Variants in SLC44A5 observed in about 807,000 individuals in gnomAD.
The protein encoded by SLC44A5 is solute carrier family 44 member 5.
Under a neutral mutation model 101.8 loss-of-function variants are expected in SLC44A5, and 57 were observed. The ratio of observed to expected loss-of-function variants is 0.56; its 90% confidence interval spans 0.45 to 0.70. The LOEUF (loss-of-function observed/expected upper bound fraction) is 0.70. Among genes scored for constraint, SLC44A5 ranks in the 30% least tolerant of loss-of-function variants. The pLI, the probability that SLC44A5 is intolerant of heterozygous loss-of-function variation, is 0.00. For missense variants in SLC44A5, 737 were observed against 853.1 expected (o/e 0.86, Z 1.70); for synonymous variants, 281 against 290.9 (o/e 0.97, Z 0.35).
At chr1:75,322,680 C>T (rs1656256097) in intron 4 of SLC44A5, among the ~76,000 whole-genome samples, 1 of 152,142 alleles carries the variant, frequency 6.6e-6, no homozygotes, top group African/African-American at 2.4e-5. Flanking sequence ...ATACGGATTT[C>T]CTTTCACTCT....
intron 6 of SLC44A5, among the ~76,000 whole-genome samples, chr1:75,252,929 A>G (rs879891078): frequency 2.0e-5 from 3 of 152,176 alleles, no homozygotes; most frequent in East Asian, 3.9e-4. Context: ...GGCAAACCAA[A>G]GCTGATGACT....
chr1:75,458,636 T>C (rs554394954), intron 2 of SLC44A5, among the ~76,000 whole-genome samples: 95 of 152,224 alleles, frequency 6.2e-4, no homozygotes, highest in Middle Eastern at 6.8e-3. Context: ...AATGTATTCA[T>C]TGGGAATATG....
chr1:75,605,171 T>C (rs1273235521), intron 1 of SLC44A5, among the ~76,000 whole-genome samples: 1 of 152,038 alleles, frequency 6.6e-6, no homozygotes, highest in Non-Finnish European at 1.5e-5. Flanking sequence ...CAAATTTACA[T>C]TTAAAAACCT....
intron 2 of SLC44A5, among the ~76,000 whole-genome samples, chr1:75,454,266 T>C (rs1358948195): frequency 6.6e-6 from 1 of 152,100 alleles, no homozygotes; most frequent in Non-Finnish European, 1.5e-5. Flanking sequence ...ATAAATGTGA[T>C]TCATCTTATA....
intron 2 of SLC44A5, among the ~76,000 whole-genome samples, chr1:75,500,175 T>C (rs546153630): frequency 4.7e-4 from 72 of 152,320 alleles, no homozygotes; most frequent in Non-Finnish European, 8.4e-4. Context: ...AATAAACTAC[T>C]ATGTTAAACC....
intron 1 of SLC44A5, among the ~76,000 whole-genome samples, chr1:75,546,897 G>T (rs1226433874): frequency 6.6e-6 from 1 of 152,134 alleles, no homozygotes; most frequent in African/African-American, 2.4e-5. Flanking sequence ...TTATAAAAAT[G>T]TCTGAAGAGG....
intron 3 of SLC44A5, among the ~76,000 whole-genome samples, chr1:75,392,035 A>G (rs568264912): frequency 7.9e-5 from 12 of 152,148 alleles, no homozygotes; most frequent in African/African-American, 2.9e-4. Flanking sequence ...CATAGTCCCA[A>G]CTACTCAGAA....
At chr1:75,350,092 A>G (rs979596802) in intron 3 of SLC44A5, among the ~76,000 whole-genome samples, 1 of 151,832 alleles carries the variant, frequency 6.6e-6, no homozygotes, top group Non-Finnish European at 1.5e-5. Context: ...GCCCCCCCCA[A>G]CTCCAGCCCA....
At chr1:75,355,583 G>GT (rs1484030412) in intron 3 of SLC44A5, among the ~76,000 whole-genome samples, 1 of 152,174 alleles carries the variant, frequency 6.6e-6, no homozygotes, top group Non-Finnish European at 1.5e-5. Flanking sequence ...AAAAATTAGA[G>GT]TTATGCATCA....
At chr1:75,451,159 G>T (rs546142301) in intron 2 of SLC44A5, among the ~76,000 whole-genome samples, 2 of 152,298 alleles carry the variant, frequency 1.3e-5, no homozygotes, top group South Asian at 4.1e-4. Flanking sequence ...CGACTTCTAG[G>T]TGGGCCATCT....
At chr1:75,235,645 T>C (rs997319788) in intron 11 of SLC44A5, among the ~76,000 whole-genome samples, 4 of 152,004 alleles carry the variant, frequency 2.6e-5, no homozygotes, top group African/African-American at 9.7e-5. Flanking sequence ...AGTGATCTAA[T>C]TTTACAGCTC....
At chr1:75,722,155 A>G in the SLC44A5 span, among the ~76,000 whole-genome samples, 1 of 152,226 alleles carries the variant, frequency 6.6e-6, no homozygotes, top group Non-Finnish European at 1.5e-5. Flanking sequence ...ACATATAAAT[A>G]TATAAATAAA....
chr1:75,300,727 A>G, intron 4 of SLC44A5, 42 bp from the exon 5 acceptor site: 1 of 1,362,084 alleles, frequency 7.3e-7, no homozygotes, highest in Non-Finnish European at 1.0e-6. Flanking sequence ...AGAGGTCCCA[A>G]ATGACTTCCT....
At chr1:75,331,236 G>T (rs116300684) in intron 4 of SLC44A5, among the ~76,000 whole-genome samples, 1 of 152,036 alleles carries the variant, frequency 6.6e-6, no homozygotes, top group African/African-American at 2.4e-5. Flanking sequence ...CCAGACTCAC[G>T]CATGGCATTC....
rs183622639 is a variant in SLC44A5 at position 75,475,980 on chromosome 1, A to G, written c.13+65455T>C. Among the ~76,000 whole-genome samples the G allele has an allele frequency of 4.2e-3, 636 of 152,242 alleles. 1 individual carries two copies. Among genetic ancestry groups the G allele is most frequent in the African/African-American group, 0.015 (610 of 41,566 alleles). ...TGGGCGGATCATGAGGTCAGGAGTT[A>G]AAGACCAGCCTGACCAATATGGTGA... is the stretch of plus-strand genomic sequence containing the variant. On this transcript the variant is annotated intron_variant, in intron 2 of 23. Transcript: ENST00000370859.
intron 4 of SLC44A5, among the ~76,000 whole-genome samples, chr1:75,314,373 C>G (rs1385212269): frequency 1.3e-5 from 2 of 152,162 alleles, no homozygotes; most frequent in African/African-American, 4.8e-5. Context: ...CCAGCATCAT[C>G]TTTCATATTT....
intron 3 of SLC44A5, among the ~76,000 whole-genome samples, chr1:75,366,924 GT>G (rs539738862): frequency 1.4e-5 from 2 of 139,680 alleles, no homozygotes; most frequent in South Asian, 4.6e-4. Context: ...TTAATGCTCT[GT>G]TTTTGTTATT....
the SLC44A5 span, among the ~76,000 whole-genome samples, chr1:75,646,995 G>A: frequency 6.6e-5 from 10 of 152,314 alleles, no homozygotes; most frequent in Admixed American, 4.6e-4. Flanking sequence ...AAGTAATGAG[G>A]AGCCCAATGT....
chr1:75,611,029 G>C lies in SLC44A5; in HGVS notation c.-70+11C>G. On this transcript the variant is annotated intron_variant, in intron 1 of 23. Transcript: ENST00000370859. The stretch of plus-strand genomic sequence containing the variant: ...AGACATAGACTTCTTGCATTTAGCA[G>C]TATCACTCACCTCTTACTCCATCAT... 2 of 983,350 alleles carry C rather than the reference G, an allele frequency of 2.0e-6. No individual in the cohort carries two copies. Among genetic ancestry groups the C allele is most frequent in the Non-Finnish European group, 2.4e-6 (2 of 828,120 alleles). The allele number at this position is 983,350 out of a possible 1,614,324, so 60.9% of individuals were successfully genotyped here. A position where few individuals can be genotyped will look rare whatever the true frequency, so the allele number is the denominator to read the frequency against.
Sources: gnomAD v4.1 joint callset for allele counts (sites outside exome capture counted in the v4.1 genomes callset) on GRCh38, gnomAD v4.1.1 for gene constraint, MANE v1.5 for transcripts, NCBI Gene and HGNC (gene_info 2026-07-23, HGNC 2026-07-21) for gene names.